The following CHST11 variants were observed in gnomAD, a reference collection of about 807,000 sequenced individuals.
CHST11 encodes the protein carbohydrate sulfotransferase 11.
In CHST11, 9 loss-of-function variants were observed where a neutral mutation model predicts 30.4. The observed-to-expected ratio is 0.30, with a 90% confidence interval of 0.18 to 0.52. The LOEUF is 0.52. Ranked by LOEUF, CHST11 falls within the 20% of genes least tolerant of loss-of-function variation. The probability of loss-of-function intolerance (pLI) is 0.97; values close to 1 mark genes in which losing one functional copy is unlikely to be tolerated. For missense variants in CHST11, 348 were observed against 460.6 expected (o/e 0.76, Z 2.24); for synonymous variants, 152 against 187.8 (o/e 0.81, Z 1.56).
intron 1 of CHST11, among the ~76,000 whole-genome samples, chr12:104,548,765 C>A (rs541023678): frequency 6.0e-4 from 91 of 152,248 alleles, no homozygotes; most frequent in African/African-American, 2.1e-3. Context: ...AGGGCAGGGC[C>A]CCTTGCCTCC....
chr12:104,564,005 T>A (rs895389995), intron 1 of CHST11, among the ~76,000 whole-genome samples: 5 of 152,042 alleles, frequency 3.3e-5, no homozygotes, highest in African/African-American at 1.2e-4. Context: ...CCTGGGACAG[T>A]TATTTGAGAT....
At chr12:104,659,875 G>A (rs1331325378) in intron 2 of CHST11, among the ~76,000 whole-genome samples, 1 of 151,240 alleles carries the variant, frequency 6.6e-6, no homozygotes, top group Admixed American at 6.6e-5. Context: ...CTAGCTACTA[G>A]GGAGGCTGAG....
intron 1 of CHST11, among the ~76,000 whole-genome samples, chr12:104,522,972 G>T (rs2038087930): frequency 6.6e-6 from 1 of 152,166 alleles, no homozygotes. Flanking sequence ...TTCACAGCAA[G>T]TTTGTTGGGA....
chr12:104,702,962 C>T (rs1045191575), intron 2 of CHST11, among the ~76,000 whole-genome samples: 3 of 152,184 alleles, frequency 2.0e-5, no homozygotes. Flanking sequence ...CTGGAGGGGA[C>T]GGCAGGCGTG....
At chr12:104,640,521 A>C (rs2039366245) in intron 2 of CHST11, among the ~76,000 whole-genome samples, 1 of 152,234 alleles carries the variant, frequency 6.6e-6, no homozygotes, top group African/African-American at 2.4e-5. Context: ...ATTCTGTAAA[A>C]GTTGGCAAAT....
chr12:104,613,296 G>GATAGATAGATAGATAT (rs2039078427), intron 2 of CHST11, among the ~76,000 whole-genome samples: 1 of 151,266 alleles, frequency 6.6e-6, no homozygotes, highest in African/African-American at 2.4e-5. Context: ...GATAGATATA[G>GATAGATAGATAGATAT]ATATATAGAT....
intron 1 of CHST11, among the ~76,000 whole-genome samples, chr12:104,517,891 T>C (rs1376916701): frequency 2.6e-5 from 4 of 152,208 alleles, no homozygotes. Flanking sequence ...GTCTAACACT[T>C]TTTGAATACC....
chr12:104,489,608 A>G (rs1217376463), intron 1 of CHST11, among the ~76,000 whole-genome samples: 1 of 152,070 alleles, frequency 6.6e-6, no homozygotes, highest in Non-Finnish European at 1.5e-5. Flanking sequence ...CCTCCTGAGT[A>G]GCTGGGACTA....
chr12:104,575,725 G>C (rs1162058120), intron 1 of CHST11, among the ~76,000 whole-genome samples: 1 of 152,086 alleles, frequency 6.6e-6, no homozygotes, highest in African/African-American at 2.4e-5. Flanking sequence ...GAGCCACAGA[G>C]TGGTCCTCTT....
chr12:104,637,960 A>T (rs537299676), intron 2 of CHST11, among the ~76,000 whole-genome samples: 1 of 151,984 alleles, frequency 6.6e-6, no homozygotes, highest in African/African-American at 2.4e-5. Flanking sequence ...GAGGACAGGG[A>T]CTCCTTACAA....
chr12:104,615,973 T>C (rs1175249194), intron 2 of CHST11, among the ~76,000 whole-genome samples: 1 of 152,132 alleles, frequency 6.6e-6, no homozygotes, highest in Non-Finnish European at 1.5e-5. Flanking sequence ...TACCTTATTC[T>C]CTTTTGTGAG....
intron 2 of CHST11, among the ~76,000 whole-genome samples, chr12:104,719,033 T>G (rs1238805981): frequency 6.6e-6 from 1 of 152,138 alleles, no homozygotes; most frequent in Non-Finnish European, 1.5e-5. Flanking sequence ...CCACTTAGGT[T>G]GAGGGTACAG....
intron 2 of CHST11, among the ~76,000 whole-genome samples, chr12:104,669,701 C>T (rs2039673244): frequency 6.6e-6 from 1 of 152,192 alleles, no homozygotes; most frequent in African/African-American, 2.4e-5. Flanking sequence ...TGCAAATTAG[C>T]TGTGTGACCC....
intron 2 of CHST11, among the ~76,000 whole-genome samples, chr12:104,688,074 T>C (rs79059217): frequency 0.029 from 4,415 of 152,286 alleles, 205 homozygotes; most frequent in African/African-American, 0.1. Flanking sequence ...AACGCAAAGA[T>C]GTGGTCATTT....
At chr12:104,509,360 TG>T (rs2037939860) in intron 1 of CHST11, among the ~76,000 whole-genome samples, 1 of 152,182 alleles carries the variant, frequency 6.6e-6, no homozygotes, top group Non-Finnish European at 1.5e-5. Context: ...TGCCCAGTCT[TG>T]GGTATGTCTT....
In CHST11 at chr12:104,692,830, A is replaced by G. The variant is rs914037264; in HGVS notation, c.205-64119A>G. Among the ~76,000 whole-genome samples, 26 of 151,840 alleles carry G rather than the reference A, an allele frequency of 1.7e-4. 1 individual carries two copies. The highest frequency in any genetic ancestry group is 4.4e-5 in the Non-Finnish European group (3 of 67,934). On this transcript the variant is annotated intron_variant, in intron 2 of 2. Coordinates refer to ENST00000303694, the MANE Select transcript of CHST11 (RefSeq NM_018413.6). ...AATGCCTGATGATCTGAGGTGGAACAGTTTCATCCTGAAACCATCCAACCC... is the reference window on the plus strand; with the variant it reads ...AATGCCTGATGATCTGAGGTGGAACGGTTTCATCCTGAAACCATCCAACCC...
intron 2 of CHST11, among the ~76,000 whole-genome samples, chr12:104,744,341 T>C (rs1193969792): frequency 6.8e-6 from 1 of 147,982 alleles, no homozygotes; most frequent in African/African-American, 2.7e-5. Flanking sequence ...GATTTGCATT[T>C]CTCTAATGAT....
chr12:104,757,382 G>A lies in CHST11; in HGVS notation c.638G>A (p.Gly213Asp). 6.2e-7 allele frequency: 1 copy of A among 1,614,088 alleles called. No individual in the cohort carries two copies. Among genetic ancestry groups the A allele is most frequent in the Non-Finnish European group, 8.5e-7 (1 of 1,180,024 alleles). ...AACATCTCCTTCCACAAGCGGTACG[G>A]CACCAAGATCATCAAACGCCAGCGG... The part of the protein sequence containing the change: ...KYNISFHKRY[G>D]TKIIKRQRKN... Residue 213 changes from glycine (G) to aspartate (D), a missense_variant, in exon 3 of 3, where the codon GGC (glycine) becomes GAC (aspartate). Gly to Asp is a moderately conservative substitution (Grantham distance 94). Transcript: ENST00000303694. The surrounding 1 kb of genome is among the most constrained non-coding windows in gnomAD (Gnocchi z 6.5).
At chr12:104,500,875 G>A (rs912937993) in intron 1 of CHST11, among the ~76,000 whole-genome samples, 5 of 152,182 alleles carry the variant, frequency 3.3e-5, no homozygotes, top group Non-Finnish European at 7.4e-5. Flanking sequence ...GTCTGGTGAC[G>A]TTAGGGAGTA....
Sources: allele counts gnomAD v4.1 joint callset (sites outside exome capture counted in the v4.1 genomes callset), GRCh38; gene constraint gnomAD v4.1.1; non-coding constraint Gnocchi (gnomAD v3.1); transcripts MANE v1.5; gene names NCBI Gene and HGNC (gene_info 2026-07-23, HGNC 2026-07-21).